The following PRKN variants were observed in gnomAD, a reference collection of about 807,000 sequenced individuals.
PRKN encodes the protein parkin RBR E3 ubiquitin protein ligase, also known as E3 ubiquitin-protein ligase parkin.
Under a neutral mutation model 59.5 loss-of-function variants are expected in PRKN, and 56 were observed. That is an observed-to-expected ratio of 0.94 (90% CI 0.76 to 1.18). The LOEUF (loss-of-function observed/expected upper bound fraction) is 1.18. PRKN is among the 50% of genes most tolerant of loss of function. The probability of loss-of-function intolerance (pLI) is 0.00; values close to 1 mark genes in which losing one functional copy is unlikely to be tolerated. For synonymous variants in PRKN, 250 were observed against 222.1 expected (o/e 1.13, Z -1.12); for missense variants, 657 against 596.4 (o/e 1.10, Z -1.06).
intron 6 of PRKN, among the ~76,000 whole-genome samples, chr6:161,899,517 G>A (rs1353781172): frequency 1.3e-5 from 2 of 152,154 alleles, no homozygotes; most frequent in Non-Finnish European, 2.9e-5. Flanking sequence ...TTCATCACTG[G>A]GAAGTGGGGT....
intron 1 of PRKN, among the ~76,000 whole-genome samples, chr6:162,468,310 T>C (rs1176179216): frequency 6.6e-6 from 1 of 152,206 alleles, no homozygotes; most frequent in African/African-American, 2.4e-5. Context: ...AACTGAAATC[T>C]TTTATTGTAT....
intron 7 of PRKN, among the ~76,000 whole-genome samples, chr6:161,780,639 A>G (rs1017248148): frequency 1.3e-5 from 2 of 152,248 alleles, no homozygotes; most frequent in Admixed American, 6.5e-5. Flanking sequence ...TTAATTAAAG[A>G]TAGAAGTAAT....
chr6:162,184,296 T>A (rs1299982972), intron 4 of PRKN, among the ~76,000 whole-genome samples: 1 of 152,182 alleles, frequency 6.6e-6, no homozygotes, highest in Non-Finnish European at 1.5e-5. Context: ...ACATCCACTG[T>A]CCTCTCTTTC....
chr6:161,534,129 T>A (rs545263095), intron 9 of PRKN, among the ~76,000 whole-genome samples: 294 of 152,160 alleles, frequency 1.9e-3, no homozygotes, highest in South Asian at 3.9e-3. Flanking sequence ...AGACTCCCTT[T>A]CCCTGTCCTG....
chr6:162,714,671 T>C (rs982143867), intron 1 of PRKN, among the ~76,000 whole-genome samples: 1 of 152,228 alleles, frequency 6.6e-6, no homozygotes, highest in Non-Finnish European at 1.5e-5. Context: ...TTGTAATTAC[T>C]CTGAAGCTTT....
In PRKN at chr6:161,548,798, T is replaced by C; in HGVS notation, c.1083+56A>G. 6.5e-7 allele frequency: 1 copy of C among 1,532,018 alleles called. No homozygotes were observed. Among genetic ancestry groups the C allele is most frequent in the Non-Finnish European group, 9.0e-7 (1 of 1,109,454 alleles). 94.9% of individuals were successfully genotyped at this position (1,532,018 alleles called of 1,614,324 possible). ...AATAAAAATATAATCCCAGCCCATG[T>C]GCAAAAGCAAACAAGGACAGGAACA... On this transcript the variant is annotated intron_variant, in intron 9 of 11. Transcript: ENST00000366898. The surrounding 1 kb of genome is among the most constrained non-coding windows in gnomAD (Gnocchi z 4.2).
chr6:162,593,433 C>A (rs551514363), intron 1 of PRKN, among the ~76,000 whole-genome samples: 1 of 152,294 alleles, frequency 6.6e-6, no homozygotes, highest in Admixed American at 6.5e-5. Context: ...TAATGAAAGC[C>A]ATTCCATCAA....
At chr6:161,508,079 C>A (rs1403691283) in intron 9 of PRKN, among the ~76,000 whole-genome samples, 1 of 152,150 alleles carries the variant, frequency 6.6e-6, no homozygotes, top group Non-Finnish European at 1.5e-5. Flanking sequence ...GGCATAAAAG[C>A]TGTACCCTTT....
intron 4 of PRKN, among the ~76,000 whole-genome samples, chr6:162,176,453 A>G (rs532894714): frequency 2.2e-4 from 34 of 152,274 alleles, no homozygotes; most frequent in African/African-American, 7.9e-4. Flanking sequence ...CATTTTGGCC[A>G]GGTGATATAT....
In PRKN at chr6:161,379,474, G is replaced by C. The variant is rs909631301; in HGVS notation, c.1167+7320C>G. On this transcript the variant is annotated intron_variant, in intron 10 of 11. Coordinates refer to ENST00000366898, the MANE Select transcript of PRKN (RefSeq NM_004562.3). The surrounding 1 kb of genome is among the most constrained non-coding windows in gnomAD (Gnocchi z 4.9). The stretch of plus-strand genomic sequence containing the variant: ...AGCAAATGTCTCCAGGCAGTGCAAG[G>C]GGCAGACGACAGCAGATGCTGTGAG... Among the ~76,000 whole-genome samples the C allele has an allele frequency of 6.6e-5, 10 of 152,164 alleles. No individual in the cohort carries two copies.
chr6:161,812,699 TACTAAAA>T, intron 6 of PRKN, among the ~76,000 whole-genome samples: 1 of 152,306 alleles, frequency 6.6e-6, no homozygotes, highest in African/African-American at 2.4e-5. Context: ...ATCATGCACC[TACTAAAA>T]TATCCAAAAT....
intron 2 of PRKN, among the ~76,000 whole-genome samples, chr6:162,399,433 T>C (rs1276012473): frequency 6.6e-6 from 1 of 152,072 alleles, no homozygotes; most frequent in African/African-American, 2.4e-5. Context: ...TGAGCAATAC[T>C]AGAATAGCAG....
intron 7 of PRKN, among the ~76,000 whole-genome samples, chr6:161,778,052 C>T (rs1389891578): frequency 2.0e-5 from 3 of 151,426 alleles, no homozygotes; most frequent in Non-Finnish European, 4.4e-5. Flanking sequence ...GGGAAAGGAC[C>T]ATTTGTATGG....
At chr6:162,155,561 A>G (rs766845281) in intron 4 of PRKN, among the ~76,000 whole-genome samples, 2 of 152,170 alleles carry the variant, frequency 1.3e-5, no homozygotes, top group Non-Finnish European at 2.9e-5. Flanking sequence ...TCAGCGTCAG[A>G]GACAGCAAGC....
intron 6 of PRKN, among the ~76,000 whole-genome samples, chr6:161,874,310 A>G (rs1794544367): frequency 1.5e-5 from 1 of 65,678 alleles, no homozygotes; most frequent in Admixed American, 2.8e-4. Flanking sequence ...GTAAAATATT[A>G]TATATAAAAT....
chr6:162,427,575 C>T (rs1200459833), intron 2 of PRKN, among the ~76,000 whole-genome samples: 1 of 151,820 alleles, frequency 6.6e-6, no homozygotes, highest in East Asian at 1.9e-4. Context: ...AACATCATAT[C>T]ATTTATTTAA....
At chr6:161,975,235 G>A (rs551565326) in intron 5 of PRKN, among the ~76,000 whole-genome samples, 50 of 151,882 alleles carry the variant, frequency 3.3e-4, no homozygotes, top group Non-Finnish European at 5.2e-4. Flanking sequence ...ACAGGTGCCC[G>A]CCACCACGCC....
intron 10 of PRKN, among the ~76,000 whole-genome samples, chr6:161,367,597 C>T (rs1353451870): frequency 1.3e-5 from 2 of 151,888 alleles, no homozygotes; most frequent in African/African-American, 4.8e-5. Flanking sequence ...CAATGAACGA[C>T]ATGGCATTCT....
chr6:162,195,068 C>G (rs1374481021), intron 4 of PRKN, among the ~76,000 whole-genome samples: 1 of 152,176 alleles, frequency 6.6e-6, no homozygotes, highest in Non-Finnish European at 1.5e-5. Flanking sequence ...CACTTTCCAC[C>G]CTGGAGCTTA....
Sources: gnomAD v4.1 joint callset for allele counts (sites outside exome capture counted in the v4.1 genomes callset) on GRCh38, gnomAD v4.1.1 for gene constraint, Gnocchi (gnomAD v3.1) non-coding constraint, MANE v1.5 for transcripts, NCBI Gene and HGNC (gene_info 2026-07-23, HGNC 2026-07-21) for gene names.